Variants in ANKRD36B observed in about 807,000 individuals in gnomAD.
ANKRD36B encodes ankyrin repeat domain-containing protein 36B.
A neutral mutation model predicts 135.7 loss-of-function variants in ANKRD36B; 37 were observed. That is an observed-to-expected ratio of 0.27 (90% CI 0.21 to 0.36). The LOEUF is 0.36. Ranked by LOEUF, ANKRD36B falls within the 10% of genes least tolerant of loss-of-function variation. The probability of loss-of-function intolerance (pLI) is 1.00; values close to 1 mark genes in which losing one functional copy is unlikely to be tolerated. For missense variants in ANKRD36B, 549 were observed against 1,037.1 expected, an observed-to-expected ratio of 0.53 and a Z score of 6.46; for synonymous variants, 179 against 348.1, an observed-to-expected ratio of 0.51 and a Z score of 5.41.
At position 97,549,446 on chromosome 2, in the gene ANKRD36B, T is replaced by C. The variant is rs1364028627; in HGVS notation, c.1450A>G (p.Lys484Glu). 4.4e-6 allele frequency: 7 copies of C among 1,581,466 alleles called. No homozygotes were observed. The highest frequency in any genetic ancestry group is 5.2e-6 in the Non-Finnish European group (6 of 1,163,456). The change falls in exon 20 of 44, where the codon AAA becomes GAA. Residue 484 changes from lysine (K) to glutamate (E), a missense_variant. Physicochemically the swap from Lys to Glu is moderately conservative, Grantham distance 56. Transcript: ENST00000359901. Reference protein sequence around the residue: ...EDSVLNIAREKKDGEKSRTVS... With the variant: ...EDSVLNIAREEKDGEKSRTVS... ...GTCCTAGATTTTTCTCCATCCTTTT[T>C]TTCTCTGGCTATATTCAAAACAGAA...
chr2:97,578,184 G>A (rs528696052), intron 5 of ANKRD36B, among the ~76,000 whole-genome samples: 2 of 152,074 alleles, frequency 1.3e-5, no homozygotes, highest in Non-Finnish European at 2.9e-5. Flanking sequence ...AACAGAGCAA[G>A]GTTCTGCTGT....
chr2:97,554,012 G>A (rs2595331), intron 14 of ANKRD36B, among the ~76,000 whole-genome samples: 3 of 151,728 alleles, frequency 2.0e-5, no homozygotes, highest in African/African-American at 4.8e-5. Context: ...TAGCCTTCCC[G>A]GACATTTCTT....
At chr2:97,546,292 T>C (rs1357500286) in intron 22 of ANKRD36B, among the ~76,000 whole-genome samples, 2 of 151,754 alleles carry the variant, frequency 1.3e-5, no homozygotes, top group Non-Finnish European at 2.9e-5. Flanking sequence ...TCATGCTCTT[T>C]AATTTGCCCG....
chr2:97,524,616 C>T lies in ANKRD36B; in HGVS notation c.2266-1149G>A, dbSNP rs542496279. On this transcript the variant is annotated intron_variant, in intron 35 of 43. Coordinates refer to ENST00000359901, the MANE Select transcript of ANKRD36B (RefSeq NM_001393939.1). ...ACTACAGAGACAGACATGCCAGATG[C>T]ATCACTTTCCTAACAATCAGGTGAA... is the stretch of plus-strand genomic sequence containing the variant. The T allele has an allele frequency of 7.3e-5, 7 of 96,436 alleles. 2 individuals are homozygous for T. In the South Asian group the frequency reaches 1.6e-3, roughly 23 times the overall value. 6.0% of individuals were successfully genotyped at this position (96,436 alleles called of 1,614,324 possible). A position where few individuals can be genotyped will look rare whatever the true frequency, so the allele number is the denominator to read the frequency against.
intron 6 of ANKRD36B, among the ~76,000 whole-genome samples, chr2:97,565,014 G>C (rs1345060196): frequency 7.6e-5 from 9 of 118,556 alleles, no homozygotes; most frequent in Non-Finnish European, 1.8e-4. Context: ...AGCATGGAAT[G>C]TTTTTCCATT....
chr2:97,558,516 T>A (rs538175543), intron 10 of ANKRD36B, among the ~76,000 whole-genome samples: 1 of 152,024 alleles, frequency 6.6e-6, no homozygotes, highest in South Asian at 2.1e-4. Context: ...GGTGAAAACA[T>A]GCTGTAGAAT....
In ANKRD36B at chr2:97,539,949, G is replaced by A. The variant is rs907220566; in HGVS notation, c.1987+85C>T. 54 of 619,814 alleles carry A rather than the reference G, an allele frequency of 8.7e-5. 13 individuals carry two copies. In the East Asian group the frequency reaches 1.4e-3, roughly 16 times the overall value. The allele number at this position is 619,814 out of a possible 1,614,324, so 38.4% of individuals were successfully genotyped here. On this transcript the variant is annotated intron_variant, in intron 30 of 43. Coordinates refer to ENST00000359901, the MANE Select transcript of ANKRD36B (RefSeq NM_001393939.1). Reference sequence around the variant, plus strand: ...CAGAATCGGAATGTGCAGCTGCGACGAACCCCCCCGCTGATTTATTTGGGG... The same window carrying A: ...CAGAATCGGAATGTGCAGCTGCGACAAACCCCCCCGCTGATTTATTTGGGG...
rs535626267 is a variant in ANKRD36B, at chr2:97,525,392, C to G, written c.2266-1925G>C. ...ATTAGGAGCCAAAATCACCACCAGTCAGTAAGAAAAGCAAATTCTTTGTCT... is the reference window on the plus strand; with the variant it reads ...ATTAGGAGCCAAAATCACCACCAGTGAGTAAGAAAAGCAAATTCTTTGTCT... On this transcript the variant is annotated intron_variant, in intron 35 of 43. Coordinates refer to ENST00000359901, the MANE Select transcript of ANKRD36B (RefSeq NM_001393939.1). 6.2e-5 allele frequency among the ~76,000 whole-genome samples: 6 copies of G among 96,790 alleles called. 1 individual carries two copies. The South Asian group carries it at 1.4e-3, about 22-fold the overall frequency. The allele number at this position is 96,790 out of a possible 152,430, so 63.5% of individuals were successfully genotyped here.
intron 30 of ANKRD36B, 194 bp downstream of exon 30, chr2:97,539,840 T>C: frequency 3.4e-6 from 1 of 297,942 alleles, no homozygotes; most frequent in South Asian, 2.6e-5. Context: ...GGGAAGTCTA[T>C]AATCTTACTT....
intron 43 of ANKRD36B, among the ~76,000 whole-genome samples, chr2:97,504,507 C>T (rs2077359698): frequency 1.3e-5 from 1 of 74,290 alleles, no homozygotes; most frequent in African/African-American, 4.7e-5. Context: ...GGGCAGATCA[C>T]AAGGTCAGGA....
Position 97,528,175 on chromosome 2 carries a change from T to C in ANKRD36B, c.2265+4136A>G, listed in dbSNP as rs1282912537. 9.4e-5 allele frequency among the ~76,000 whole-genome samples: 9 copies of C among 95,294 alleles called. 4 individuals carry two copies. The highest frequency in any genetic ancestry group is 2.5e-4 in the Non-Finnish European group (9 of 36,008). 62.5% of individuals were successfully genotyped at this position (95,294 alleles called of 152,430 possible). On this transcript the variant is annotated intron_variant, in intron 35 of 43. Coordinates refer to ENST00000359901, the MANE Select transcript of ANKRD36B (RefSeq NM_001393939.1). ...GAAGTAAAGCTCTCCTCAGCAAATG[T>C]AAAAGTACAGAAAGTATAACAAACT...
intron 6 of ANKRD36B, among the ~76,000 whole-genome samples, chr2:97,562,733 C>T (rs528096866): frequency 1.1e-4 from 17 of 152,148 alleles, no homozygotes; most frequent in African/African-American, 4.1e-4. Flanking sequence ...CTGTATGTGA[C>T]ATCTGTACAG....
At chr2:97,587,947 T>G (rs2083136778) in intron 1 of ANKRD36B, among the ~76,000 whole-genome samples, 1 of 152,030 alleles carries the variant, frequency 6.6e-6, no homozygotes, top group South Asian at 2.1e-4. Context: ...GAGTTCTTGT[T>G]TATTTGAAGA....
At chr2:97,573,869 T>C (rs920705922) in intron 6 of ANKRD36B, among the ~76,000 whole-genome samples, 59 of 151,956 alleles carry the variant, frequency 3.9e-4, no homozygotes, top group Non-Finnish European at 5.9e-4. Context: ...CTTCCTTACA[T>C]CTTATACAAA....
At chr2:97,549,227 G>A (rs1341034571) in intron 20 of ANKRD36B, among the ~76,000 whole-genome samples, 192 bp downstream of exon 20, 98 of 142,612 alleles carry the variant, frequency 6.9e-4, no homozygotes, top group Middle Eastern at 3.5e-3. Flanking sequence ...ATCTTACAGC[G>A]AAGGTCATGT....
intron 6 of ANKRD36B, among the ~76,000 whole-genome samples, chr2:97,562,611 T>C (rs1255321032): frequency 6.6e-6 from 1 of 151,974 alleles, no homozygotes; most frequent in Non-Finnish European, 1.5e-5. Context: ...GCTTTCTTTG[T>C]TTACACCTGC....
At chr2:97,498,258 C>T (rs1446240585) in intron 43 of ANKRD36B, among the ~76,000 whole-genome samples, 2 of 86,012 alleles carry the variant, frequency 2.3e-5, no homozygotes, top group Non-Finnish European at 5.6e-5. Flanking sequence ...GCCTAGAAAG[C>T]ATATTTAATG....
intron 12 of ANKRD36B, among the ~76,000 whole-genome samples, chr2:97,556,427 A>G (rs1383157978): frequency 6.6e-6 from 1 of 151,764 alleles, no homozygotes; most frequent in Non-Finnish European, 1.5e-5. Flanking sequence ...AGAAACCCCA[A>G]AATTACAGAA....
chr2:97,578,757 A>C (rs2082386565), intron 5 of ANKRD36B, 149 bp downstream of exon 5: 10 of 969,124 alleles, frequency 1.0e-5, no homozygotes, highest in Non-Finnish European at 1.3e-5. Context: ...AAGTTGCACA[A>C]CTCTCGAAAA....
Sources: allele counts gnomAD v4.1 joint callset (sites outside exome capture counted in the v4.1 genomes callset), GRCh38; gene constraint gnomAD v4.1.1; transcripts MANE v1.5; gene names NCBI Gene and HGNC (gene_info 2026-07-23, HGNC 2026-07-21).